The following SNCAIP variants were observed in gnomAD, a reference collection of about 807,000 sequenced individuals.
SNCAIP encodes synuclein alpha interacting protein.
In SNCAIP, 43 loss-of-function variants were observed where a neutral mutation model predicts 86.7. The ratio of observed to expected loss-of-function variants is 0.50; its 90% CI spans 0.39 to 0.64. The LOEUF is 0.64. SNCAIP is among the 30% of genes least tolerant of loss of function. SNCAIP has a pLI of 0.00. For synonymous variants in SNCAIP, 417 were observed against 427.2 expected (o/e 0.98, Z 0.29); for missense variants, 981 against 1,103.1 (o/e 0.89, Z 1.57).
intron 1 of SNCAIP, among the ~76,000 whole-genome samples, chr5:122,324,327 T>C (rs950104816): frequency 1.3e-5 from 2 of 152,196 alleles, no homozygotes; most frequent in Admixed American, 6.5e-5. Context: ...GGGACCAGGA[T>C]CACCACTCTA....
Position 122,425,343 on chromosome 5 carries a change from T to C in SNCAIP, c.1003-9T>C. The stretch of plus-strand genomic sequence containing the variant: ...TGACTTGGGTTTTCTAATCTTACTA[T>C]TTATACAGCCACACCTAGCTGCAGA... On this transcript the variant is annotated splice_polypyrimidine_tract_variant and intron_variant, in intron 4 of 10. Transcript: ENST00000261368. 6.2e-7 allele frequency: 1 copy of C among 1,610,714 alleles called. No individual in the cohort carries two copies. The highest frequency in any genetic ancestry group is 8.5e-7 in the Non-Finnish European group (1 of 1,176,860).
chr5:122,371,857 T>A (rs1283171567), intron 1 of SNCAIP: 2 of 152,126 alleles, frequency 1.3e-5, no homozygotes, highest in Non-Finnish European at 2.9e-5. Flanking sequence ...CTGGCTCAAG[T>A]TGGTGTTAAA....
intron 3 of SNCAIP, among the ~76,000 whole-genome samples, chr5:122,411,761 G>T (rs1192317466): frequency 2.6e-5 from 4 of 152,064 alleles, no homozygotes; most frequent in Non-Finnish European, 5.9e-5. Flanking sequence ...TGTGAGAAAT[G>T]CAGACTCTCA....
intron 3 of SNCAIP, among the ~76,000 whole-genome samples, chr5:122,411,538 C>T (rs909174016): frequency 2.0e-5 from 3 of 151,960 alleles, no homozygotes; most frequent in Non-Finnish European, 4.4e-5. Context: ...TTTTTATCCA[C>T]ATATCTCCTT....
At chr5:122,330,199 G>A (rs1755003090) in intron 1 of SNCAIP, among the ~76,000 whole-genome samples, 1 of 141,926 alleles carries the variant, frequency 7.0e-6, no homozygotes, top group African/African-American at 2.7e-5. Context: ...TCGGCTCACT[G>A]CAAGCTCCGC....
chr5:122,455,639 A>G (rs565674417), intron 10 of SNCAIP, among the ~76,000 whole-genome samples: 1 of 152,242 alleles, frequency 6.6e-6, no homozygotes, highest in African/African-American at 2.4e-5. Flanking sequence ...CCAGGAATAC[A>G]TTGGAATTCC....
chr5:122,417,335 G>C (rs1318523385), intron 3 of SNCAIP, among the ~76,000 whole-genome samples: 2 of 152,192 alleles, frequency 1.3e-5, no homozygotes, highest in African/African-American at 4.8e-5. Flanking sequence ...GAGTCATTCA[G>C]AATAAAGAGC....
chr5:122,312,939 AT>A (rs1750923294), intron 1 of SNCAIP: 1 of 152,232 alleles, frequency 6.6e-6, no homozygotes, highest in African/African-American at 2.4e-5. Flanking sequence ...GGTGAACCCA[AT>A]TTTAGCTAAT....
At chr5:122,366,788 C>A (rs1715674489) in intron 1 of SNCAIP, among the ~76,000 whole-genome samples, 1 of 151,978 alleles carries the variant, frequency 6.6e-6, no homozygotes, top group Admixed American at 6.6e-5. Flanking sequence ...TCCCTGTAGG[C>A]AGTGGGAAAA....
At position 122,391,900 on chromosome 5, in the gene SNCAIP, A is replaced by G. The variant is rs183483847; in HGVS notation, c.57+709A>G. The stretch of plus-strand genomic sequence containing the variant: ...AATCAATTCTGCTACGCTAGCAAAC[A>G]TGTTGGCCTGGAGTGCCCCAGCAAA... On this transcript the variant is annotated intron_variant, in intron 2 of 10. Coordinates refer to ENST00000261368, the MANE Select transcript of SNCAIP (RefSeq NM_005460.4). 2.0e-3 allele frequency among the ~76,000 whole-genome samples: 307 copies of G among 152,300 alleles called. 1 individual carries two copies. Among genetic ancestry groups the G allele is most frequent in the African/African-American group, 6.9e-3 (286 of 41,566 alleles).
chr5:122,391,755 A>C (rs779174132), intron 2 of SNCAIP, among the ~76,000 whole-genome samples: 5 of 152,190 alleles, frequency 3.3e-5, no homozygotes, highest in Admixed American at 1.3e-4. Context: ...CTGTGGGCTG[A>C]TGAGTCTCTT....
chr5:122,433,112 AGTGTGTGT>A (rs34711914), intron 6 of SNCAIP, among the ~76,000 whole-genome samples: 28,622 of 147,740 alleles, frequency 0.19, 3,031 homozygotes, highest in South Asian at 0.29. Context: ...AACTTCTAGT[AGTGTGTGT>A]GTGTGTGTGT....
intron 1 of SNCAIP, among the ~76,000 whole-genome samples, chr5:122,318,395 G>A (rs139553538): frequency 5.9e-5 from 9 of 152,210 alleles, no homozygotes; most frequent in Non-Finnish European, 8.8e-5. Flanking sequence ...TACGTATGGC[G>A]TTGGATATAC....
chr5:122,379,492 C>A (rs1161432150), intron 1 of SNCAIP, among the ~76,000 whole-genome samples: 1 of 130,866 alleles, frequency 7.6e-6, no homozygotes, highest in Non-Finnish European at 1.6e-5. Flanking sequence ...CAAACAGGGA[C>A]AATTTGACTT....
intron 1 of SNCAIP, among the ~76,000 whole-genome samples, chr5:122,339,335 C>A (rs1366746721): frequency 6.6e-6 from 1 of 152,168 alleles, no homozygotes; most frequent in Non-Finnish European, 1.5e-5. Flanking sequence ...ATTTTACACA[C>A]ATGGAATGCC....
chr5:122,442,333 G>T (rs1017730253), intron 7 of SNCAIP, among the ~76,000 whole-genome samples: 7 of 151,944 alleles, frequency 4.6e-5, no homozygotes, highest in African/African-American at 1.7e-4. Context: ...AAATATAAAA[G>T]GCAAGAGATT....
chr5:122,396,052 G>A (rs189596239), intron 2 of SNCAIP, among the ~76,000 whole-genome samples: 14 of 152,160 alleles, frequency 9.2e-5, no homozygotes, highest in Admixed American at 5.2e-4. Context: ...GTGCTTCTCC[G>A]TGTGATCTAG....
intron 1 of SNCAIP, among the ~76,000 whole-genome samples, chr5:122,380,960 A>C (rs969724932): frequency 1.4e-5 from 2 of 147,344 alleles, no homozygotes; most frequent in South Asian, 2.2e-4. Flanking sequence ...TTTACTTCCA[A>C]GTATGTGGTC....
chr5:122,339,037 G>A (rs1401896848), intron 1 of SNCAIP, among the ~76,000 whole-genome samples: 1 of 152,138 alleles, frequency 6.6e-6, no homozygotes, highest in Non-Finnish European at 1.5e-5. Flanking sequence ...AGGAAGGAGG[G>A]GCACTTGAGT....
Sources: gnomAD v4.1 joint callset for allele counts (sites outside exome capture counted in the v4.1 genomes callset) on GRCh38, gnomAD v4.1.1 for gene constraint, MANE v1.5 for transcripts, NCBI Gene and HGNC (gene_info 2026-07-23, HGNC 2026-07-21) for gene names.